PSME3IP1: variants seen among roughly 807,000 people sequenced by gnomAD.
PSME3IP1 encodes the protein PSME3-interacting protein.
PSME3IP1 carries 13 observed loss-of-function variants against 34.1 expected under a neutral mutation model. That is an observed-to-expected ratio of 0.38 (90% CI 0.25 to 0.61). The LOEUF is 0.61. Ranked by LOEUF, PSME3IP1 falls within the 20% of genes least tolerant of loss-of-function variation. The pLI is 0.60. For synonymous variants in PSME3IP1, 93 were observed against 114.3 expected (o/e 0.81, Z 1.19); for missense variants, 237 against 301.4 (o/e 0.79, Z 1.58).
intron 1 of PSME3IP1, chr16:57,178,748 C>T (rs1202316360): frequency 1.0e-6 from 1 of 984,560 alleles, no homozygotes; most frequent in Non-Finnish European, 1.2e-6. Flanking sequence ...AAAATAACTG[C>T]TACTTTCCGT....
chr16:57,167,044 C>CAA, intron 5 of PSME3IP1, 49 bp downstream of exon 5: 1 of 1,605,312 alleles, frequency 6.2e-7, no homozygotes, highest in South Asian at 1.1e-5. Flanking sequence ...AGTGGTGTTT[C>CAA]AGAGTACACG....
intron 6 of PSME3IP1, among the ~76,000 whole-genome samples, chr16:57,162,753 G>A (rs957772717): frequency 6.6e-6 from 1 of 151,568 alleles, no homozygotes; most frequent in East Asian, 1.9e-4. Flanking sequence ...GCTTGGTAAT[G>A]GGGGTTTATT....
chr16:57,153,948 G>A lies in PSME3IP1; in HGVS notation c.*342C>T. On this transcript the variant is annotated 3_prime_UTR_variant, in exon 7 of 7. Transcript: ENST00000309137. ...TGTGCTGTCGGGAAAAGAAAAAACA[G>A]AAAGCAATAAAACCCAAACCCTTTG... 1 of 269,996 alleles carries A rather than the reference G, an allele frequency of 3.7e-6. No individual in the cohort carries two copies. Among genetic ancestry groups the A allele is most frequent in the South Asian group, 5.7e-5 (1 of 17,494 alleles). The allele number at this position is 269,996 out of a possible 1,614,324, so 16.7% of individuals were successfully genotyped here.
intron 6 of PSME3IP1, among the ~76,000 whole-genome samples, 172 bp downstream of exon 6, chr16:57,163,829 C>G (rs1293475930): frequency 2.0e-5 from 3 of 152,244 alleles, no homozygotes; most frequent in African/African-American, 7.2e-5. Flanking sequence ...CTGGTATAAA[C>G]TCTGGCCTGG....
chr16:57,179,496 C>T (rs1284059439), intron 1 of PSME3IP1, among the ~76,000 whole-genome samples: 2 of 152,206 alleles, frequency 1.3e-5, no homozygotes, highest in Non-Finnish European at 2.9e-5. Flanking sequence ...TAGCACACTA[C>T]ACATGTTTTA....
chr16:57,175,909 T>A (rs1486756843), intron 1 of PSME3IP1, among the ~76,000 whole-genome samples: 1 of 152,232 alleles, frequency 6.6e-6, no homozygotes, highest in East Asian at 1.9e-4. Flanking sequence ...AAGAGAATAG[T>A]CTCAGCCTGA....
chr16:57,176,590 G>T (rs1199384757), intron 1 of PSME3IP1, among the ~76,000 whole-genome samples: 3 of 152,094 alleles, frequency 2.0e-5, no homozygotes, highest in Non-Finnish European at 2.9e-5. Flanking sequence ...TCAATCCACT[G>T]GGACTATACA....
At chr16:57,164,179 G>A in intron 5 of PSME3IP1, 114 bp from the exon 6 acceptor site, 2 of 812,118 alleles carry the variant, frequency 2.5e-6, no homozygotes, top group South Asian at 1.7e-5. Flanking sequence ...CAAGAGGCTG[G>A]GATGATAAAA....
At chr16:57,185,455 A>C (rs1217982264) in intron 1 of PSME3IP1, 1 of 952,212 alleles carries the variant, frequency 1.1e-6, no homozygotes, top group African/African-American at 1.8e-5. Flanking sequence ...ATTTCCAACC[A>C]GACGCCGCAC....
intron 4 of PSME3IP1, among the ~76,000 whole-genome samples, chr16:57,168,293 G>A (rs1056549363): frequency 6.6e-6 from 1 of 152,130 alleles, no homozygotes; most frequent in Non-Finnish European, 1.5e-5. Context: ...TTGAACAATG[G>A]AGAAAATCCT....
chr16:57,160,744 G>C (rs1340060647), intron 6 of PSME3IP1, among the ~76,000 whole-genome samples: 2 of 152,154 alleles, frequency 1.3e-5, no homozygotes, highest in Non-Finnish European at 2.9e-5. Context: ...TGATTCCCAA[G>C]GTACAATAAC....
intron 3 of PSME3IP1, 29 bp downstream of exon 3, chr16:57,172,747 C>T: frequency 6.7e-7 from 1 of 1,501,060 alleles, no homozygotes; most frequent in Non-Finnish European, 9.3e-7. Flanking sequence ...CCACAGAGCC[C>T]CTTGAACTCT....
chr16:57,166,792 C>T (rs982862680), intron 5 of PSME3IP1, among the ~76,000 whole-genome samples: 1 of 152,220 alleles, frequency 6.6e-6, no homozygotes, highest in Non-Finnish European at 1.5e-5. Flanking sequence ...TATAATTGTA[C>T]TTCATAGGGT....
At chr16:57,173,043 G>T (rs1397969534) in intron 2 of PSME3IP1, among the ~76,000 whole-genome samples, 169 bp from the exon 3 acceptor site, 2 of 152,164 alleles carry the variant, frequency 1.3e-5, no homozygotes, top group African/African-American at 4.8e-5. Flanking sequence ...TTTCCCTTTG[G>T]ACCTCAGAGA....
In PSME3IP1 at chr16:57,185,595, G is replaced by C. The variant is rs372002819; in HGVS notation, c.-16+226C>G. ...TTAAACGCCCGGCAGTGTTGGGCCCGCCTGAAAGGGTCCTCGCCGCGACCC... is the reference window on the plus strand; with the variant it reads ...TTAAACGCCCGGCAGTGTTGGGCCCCCCTGAAAGGGTCCTCGCCGCGACCC... On this transcript the variant is annotated intron_variant, in intron 1 of 6. Coordinates refer to ENST00000309137, the MANE Select transcript of PSME3IP1 (RefSeq NM_024946.4). 1.6e-4 allele frequency: 162 copies of C among 985,464 alleles called. No homozygotes were observed. In the African/African-American group the frequency reaches 2.5e-3, roughly 15 times the overall value. 61.0% of individuals were successfully genotyped at this position (985,464 alleles called of 1,614,324 possible).
chr16:57,170,900 T>C (rs1211277378), intron 4 of PSME3IP1, among the ~76,000 whole-genome samples: 2 of 152,052 alleles, frequency 1.3e-5, no homozygotes, highest in Non-Finnish European at 2.9e-5. Context: ...TGATGAAACC[T>C]CGTCTCTACT....
intron 1 of PSME3IP1, among the ~76,000 whole-genome samples, chr16:57,183,316 T>C (rs139372541): frequency 2.0e-5 from 3 of 152,258 alleles, no homozygotes; most frequent in East Asian, 3.9e-4. Context: ...CTGCACTAAA[T>C]ATGCTGGAAA....
chr16:57,173,694 A>G lies in PSME3IP1; in HGVS notation c.127+34T>C, dbSNP rs115626293. 1.9e-4 allele frequency: 302 copies of G among 1,611,806 alleles called. No homozygotes were observed. In the African/African-American group the frequency reaches 3.8e-3, roughly 20 times the overall value. Reference sequence around the variant, plus strand: ...CCTACTCTGCAGGGTTGCTGTGTGGATTAAAGACCATTATACTGACTGTCA... The same window carrying G: ...CCTACTCTGCAGGGTTGCTGTGTGGGTTAAAGACCATTATACTGACTGTCA... On this transcript the variant is annotated intron_variant, in intron 2 of 6. Coordinates refer to ENST00000309137, the MANE Select transcript of PSME3IP1 (RefSeq NM_024946.4).
intron 1 of PSME3IP1, among the ~76,000 whole-genome samples, chr16:57,179,922 A>G (rs915551963): frequency 4.6e-5 from 7 of 152,254 alleles, no homozygotes; most frequent in Non-Finnish European, 1.0e-4. Flanking sequence ...TATATTTCAA[A>G]TAAAGACTTA....
Sources: gnomAD v4.1 joint callset for allele counts (sites outside exome capture counted in the v4.1 genomes callset) on GRCh38, gnomAD v4.1.1 for gene constraint, MANE v1.5 for transcripts, NCBI Gene and HGNC (gene_info 2026-07-23, HGNC 2026-07-21) for gene names.